Variants in TMEM132D observed in about 807,000 individuals in gnomAD.
The protein encoded by TMEM132D is mature OL transmembrane protein.
TMEM132D carries 21 observed loss-of-function variants against 62.3 expected under a neutral mutation model. The observed-to-expected ratio is 0.34, with a 90% CI of 0.24 to 0.49. The LOEUF (loss-of-function observed/expected upper bound fraction) is 0.49. Ranked by LOEUF, TMEM132D falls within the 20% of genes least tolerant of loss-of-function variation. The pLI is 0.99. For missense variants in TMEM132D, 1,346 were observed against 1,402.8 expected (o/e 0.96, Z 0.65); for synonymous variants, 621 against 575.6 (o/e 1.08, Z -1.13).
intron 4 of TMEM132D, among the ~76,000 whole-genome samples, chr12:129,302,258 G>T (rs1881734675): frequency 6.6e-6 from 1 of 152,194 alleles, no homozygotes; most frequent in South Asian, 2.1e-4. Context: ...GGGATTATAG[G>T]TGTGCACCAC....
intron 2 of TMEM132D, among the ~76,000 whole-genome samples, chr12:129,657,777 C>T (rs1434146349): frequency 1.3e-5 from 2 of 152,352 alleles, no homozygotes; most frequent in Admixed American, 6.5e-5. Flanking sequence ...TAAACTTAGA[C>T]ACTGGATGTT....
At chr12:129,252,822 A>G (rs7979686) in intron 4 of TMEM132D, among the ~76,000 whole-genome samples, 16,205 of 152,042 alleles carry the variant, frequency 0.11, 1,506 homozygotes, top group East Asian at 0.26. Flanking sequence ...CTGGATTAAG[A>G]AAATGTGGCA....
intron 4 of TMEM132D, among the ~76,000 whole-genome samples, chr12:129,226,225 T>C (rs1194201833): frequency 1.3e-5 from 2 of 152,230 alleles, no homozygotes; most frequent in Admixed American, 6.5e-5. Context: ...GAATGAACTA[T>C]AGGAACATGA....
rs575151259 is a variant in TMEM132D at position 129,875,272 on chromosome 12, T to A, written c.79+27989A>T. Among the ~76,000 whole-genome samples the A allele has an allele frequency of 9.8e-5, 15 of 152,328 alleles. No homozygotes were observed. The East Asian group carries it at 2.5e-3, about 26-fold the overall frequency. Reference sequence around the variant, plus strand: ...TATTCACCCTGTAGGGCTTTCACACTGGCCCTAGAAAGCGCTGATGTCCGA... The same window carrying A: ...TATTCACCCTGTAGGGCTTTCACACAGGCCCTAGAAAGCGCTGATGTCCGA... On this transcript the variant is annotated intron_variant, in intron 1 of 8. Coordinates refer to ENST00000422113, the MANE Select transcript of TMEM132D (RefSeq NM_133448.3).
At chr12:129,298,521 G>A (rs533821438) in intron 4 of TMEM132D, among the ~76,000 whole-genome samples, 20 of 152,016 alleles carry the variant, frequency 1.3e-4, no homozygotes, top group Admixed American at 3.9e-4. Context: ...ACTGTTAACC[G>A]TCATCACCCC....
intron 5 of TMEM132D, among the ~76,000 whole-genome samples, chr12:129,087,523 TG>T (rs1874658566): frequency 6.7e-6 from 1 of 150,042 alleles, no homozygotes; most frequent in Non-Finnish European, 1.5e-5. Flanking sequence ...GGGAGAGATT[TG>T]ACTGCAGCGG....
chr12:129,222,931 T>A (rs1309018636), intron 4 of TMEM132D, among the ~76,000 whole-genome samples: 1 of 152,250 alleles, frequency 6.6e-6, no homozygotes, highest in African/African-American at 2.4e-5. Flanking sequence ...AAGGTAACTC[T>A]GGGAACTAAT....
intron 1 of TMEM132D, among the ~76,000 whole-genome samples, chr12:129,746,681 C>T (rs1350233995): frequency 6.6e-6 from 1 of 152,002 alleles, no homozygotes; most frequent in Non-Finnish European, 1.5e-5. Flanking sequence ...GAGGACCTCC[C>T]AAGACTCAGG....
At chr12:129,599,201 C>A (rs1878424780) in intron 2 of TMEM132D, among the ~76,000 whole-genome samples, 1 of 152,164 alleles carries the variant, frequency 6.6e-6, no homozygotes, top group South Asian at 2.1e-4. Flanking sequence ...AGCAGCACCA[C>A]CTTTGGAATT....
intron 5 of TMEM132D, among the ~76,000 whole-genome samples, chr12:129,198,375 C>T (rs957763863): frequency 6.6e-6 from 1 of 152,126 alleles, no homozygotes; most frequent in Admixed American, 6.5e-5. Context: ...ATGTTCACTG[C>T]AGCACTACTT....
intron 4 of TMEM132D, among the ~76,000 whole-genome samples, chr12:129,260,666 C>G (rs895530064): frequency 1.3e-5 from 2 of 152,194 alleles, no homozygotes; most frequent in Admixed American, 6.5e-5. Flanking sequence ...TCACCCCACT[C>G]TCAACCTTTC....
intron 3 of TMEM132D, among the ~76,000 whole-genome samples, chr12:129,463,182 T>A (rs960614531): frequency 6.6e-6 from 1 of 152,226 alleles, no homozygotes; most frequent in Non-Finnish European, 1.5e-5. Flanking sequence ...AGCTTCTGAA[T>A]AAGTGTATCT....
rs565246697 is a variant in TMEM132D, at chr12:129,208,711, GCCTCCT to G, written c.1443+803_1443+808del. The G allele has an allele frequency of 5.9e-3, 895 of 152,320 alleles. 9 individuals are homozygous for G. Among genetic ancestry groups the G allele is most frequent in the South Asian group, 7.3e-3 (35 of 4,822 alleles). The allele number at this position is 152,320 out of a possible 1,614,324, so 9.4% of individuals were successfully genotyped here. On this transcript the variant is annotated intron_variant, in intron 5 of 8. Transcript: ENST00000422113. ...TCGCTGTCCCGGGCTTTTGTTGGCA[GCCTCCT>G]CCTTTGAGGAGGTGCCTGCTGCATC... is the stretch of plus-strand genomic sequence containing the variant.
chr12:129,902,126 TC>T (rs1483619013), intron 1 of TMEM132D, among the ~76,000 whole-genome samples: 2 of 152,188 alleles, frequency 1.3e-5, no homozygotes, highest in Non-Finnish European at 2.9e-5. Context: ...ATCACAGAAC[TC>T]GGCATTTCAA....
intron 5 of TMEM132D, chr12:129,085,595 C>T (rs4638411): frequency 0.21 from 32,398 of 152,250 alleles, 3,772 homozygotes; most frequent in Non-Finnish European, 0.25. Context: ...TCAGGGAATC[C>T]AAACATGCGG....
chr12:129,154,428 C>T (rs1271847198), intron 5 of TMEM132D, among the ~76,000 whole-genome samples: 4 of 152,204 alleles, frequency 2.6e-5, no homozygotes, highest in African/African-American at 7.2e-5. Context: ...ATATGGACTG[C>T]TTAGCACCCA....
chr12:129,379,765 G>A (rs1326181956), intron 3 of TMEM132D, among the ~76,000 whole-genome samples: 2 of 152,158 alleles, frequency 1.3e-5, no homozygotes, highest in Non-Finnish European at 2.9e-5. Flanking sequence ...GCCAACATCT[G>A]ACCTGCAGGA....
chr12:129,321,280 G>A (rs1868696919), intron 4 of TMEM132D, among the ~76,000 whole-genome samples: 1 of 152,156 alleles, frequency 6.6e-6, no homozygotes, highest in Non-Finnish European at 1.5e-5. Flanking sequence ...CTAACAAAAA[G>A]TCAAGAATTC....
intron 6 of TMEM132D, among the ~76,000 whole-genome samples, chr12:129,083,990 A>G (rs2135618879): frequency 6.6e-6 from 1 of 152,316 alleles, no homozygotes; most frequent in African/African-American, 2.4e-5. Flanking sequence ...TGGAGCGCAG[A>G]GAGGCAGTTC....
Sources: allele counts gnomAD v4.1 joint callset (sites outside exome capture counted in the v4.1 genomes callset), GRCh38; gene constraint gnomAD v4.1.1; transcripts MANE v1.5; gene names NCBI Gene and HGNC (gene_info 2026-07-23, HGNC 2026-07-21).